Variants in SARNP observed in about 807,000 individuals in gnomAD.
SARNP encodes the protein SAP domain containing ribonucleoprotein.
A neutral mutation model predicts 38.1 loss-of-function variants in SARNP; 5 were observed. The ratio of observed to expected loss-of-function variants is 0.13; its 90% CI spans 0.07 to 0.28. The LOEUF (loss-of-function observed/expected upper bound fraction) is 0.28. Among genes scored for constraint, SARNP ranks in the 10% least tolerant of loss-of-function variants. The pLI is 1.00. For synonymous variants in SARNP, 84 were observed against 80.6 expected (o/e 1.04, Z -0.23); for missense variants, 180 against 243.9 (o/e 0.74, Z 1.75).
chr12:55,772,043 T>G (rs1010553793), intron 9 of SARNP, among the ~76,000 whole-genome samples: 1 of 152,188 alleles, frequency 6.6e-6, no homozygotes, highest in Non-Finnish European at 1.5e-5. Flanking sequence ...CTGCCCCAGT[T>G]TCTGAAACTG....
chr12:55,801,710 T>C (rs973537500), intron 2 of SARNP, among the ~76,000 whole-genome samples: 2 of 152,132 alleles, frequency 1.3e-5, no homozygotes, highest in African/African-American at 2.4e-5. Flanking sequence ...CTCCCCCTCC[T>C]GGGCTCAAGG....
At chr12:55,803,899 G>A (rs1038640161) in intron 1 of SARNP, among the ~76,000 whole-genome samples, 171 bp from the exon 2 acceptor site, 7 of 152,110 alleles carry the variant, frequency 4.6e-5, no homozygotes, top group Non-Finnish European at 2.9e-5. Flanking sequence ...TTCCTCTAAC[G>A]ATATTCAATA....
At position 55,807,201 on chromosome 12, in the gene SARNP, G is replaced by A. The variant is rs547624401; in HGVS notation, c.37-3473C>T. ...AAAATCAATTACTACAAAAATGAGC[G>A]TAGTGACTTGGATATAGCAGTGACA... is the stretch of plus-strand genomic sequence containing the variant. On this transcript the variant is annotated intron_variant, in intron 1 of 10. Transcript: ENST00000336133. 2.4e-4 allele frequency among the ~76,000 whole-genome samples: 37 copies of A among 152,236 alleles called. 1 individual carries two copies. Among genetic ancestry groups the A allele is most frequent in the African/African-American group, 8.4e-4 (35 of 41,530 alleles).
chr12:55,780,465 GAAAGA>G (rs1879311243), intron 9 of SARNP, among the ~76,000 whole-genome samples: 4 of 149,836 alleles, frequency 2.7e-5, no homozygotes, highest in Admixed American at 1.3e-4. Context: ...AAATGAAAAA[GAAAGA>G]AAAGAGAAGA....
intron 9 of SARNP, among the ~76,000 whole-genome samples, chr12:55,776,809 T>C (rs1033935189): frequency 3.9e-5 from 6 of 152,154 alleles, no homozygotes; most frequent in Non-Finnish European, 5.9e-5. Context: ...GAGTGGTACT[T>C]TCAAAAGAAA....
intron 9 of SARNP, among the ~76,000 whole-genome samples, chr12:55,781,985 TGA>T (rs1879353345): frequency 6.6e-6 from 1 of 152,172 alleles, no homozygotes; most frequent in African/African-American, 2.4e-5. Context: ...ATTACAGGTG[TGA>T]ACCTCTGTGC....
At position 55,780,511 on chromosome 12, in the gene SARNP, G is replaced by T. The variant is rs544439325; in HGVS notation, c.501+8564C>A. On this transcript the variant is annotated intron_variant, in intron 9 of 10. Transcript: ENST00000336133. ...GAAGAGAAAAGAAAAGAAAAGAAAA[G>T]AAAGAAAGATTAGCTGGGCATAGTG... Among the ~76,000 whole-genome samples the T allele has an allele frequency of 3.4e-4, 52 of 151,130 alleles. 1 individual carries two copies. Among genetic ancestry groups the T allele is most frequent in the African/African-American group, 1.2e-3 (49 of 41,222 alleles).
intron 4 of SARNP, 79 bp from the exon 5 acceptor site, chr12:55,796,155 T>G: frequency 1.0e-6 from 1 of 998,672 alleles, no homozygotes; most frequent in South Asian, 1.3e-5. Context: ...AGAATTCACC[T>G]GAGTCACCAT....
Position 55,798,190 on chromosome 12 carries a change from T to G in SARNP, c.252-2114A>C, listed in dbSNP as rs538732860. On this transcript the variant is annotated intron_variant, in intron 4 of 10. Transcript: ENST00000336133. ...AATGGCTTTAGAAAGTAGTATTTGA[T>G]AGGCTGGAAAGTAGTATTTGATAGG... Among the ~76,000 whole-genome samples the G allele has an allele frequency of 2.0e-5, 3 of 152,278 alleles. No homozygotes were observed. In the East Asian group the frequency reaches 5.8e-4, roughly 29 times the overall value.
chr12:55,794,727 A>G (rs758390564), intron 6 of SARNP, 80 bp downstream of exon 6: 53 of 872,664 alleles, frequency 6.1e-5, no homozygotes, highest in Non-Finnish European at 8.8e-5. Flanking sequence ...AAAATCAACA[A>G]TTATACCTAA....
chr12:55,778,220 T>C (rs569900801), intron 9 of SARNP, among the ~76,000 whole-genome samples: 2 of 152,106 alleles, frequency 1.3e-5, no homozygotes, highest in African/African-American at 4.8e-5. Flanking sequence ...GATCTCAGCT[T>C]ACTGAGACCT....
At chr12:55,805,727 T>C (rs963873036) in intron 1 of SARNP, among the ~76,000 whole-genome samples, 1 of 152,104 alleles carries the variant, frequency 6.6e-6, no homozygotes, top group African/African-American at 2.4e-5. Flanking sequence ...GGTGCTTATA[T>C]TCACCCAGCT....
intron 1 of SARNP, among the ~76,000 whole-genome samples, chr12:55,808,805 A>G (rs1436540768): frequency 1.3e-5 from 2 of 151,600 alleles, no homozygotes; most frequent in Non-Finnish European, 2.9e-5. Flanking sequence ...AACATAAAAC[A>G]GCTGAAAATG....
At chr12:55,766,616 C>CGGGGG (rs58583137) in intron 9 of SARNP, among the ~76,000 whole-genome samples, 11 of 38,102 alleles carry the variant, frequency 2.9e-4, no homozygotes, top group African/African-American at 5.5e-4. Context: ...GTTTTTTTGG[C>CGGGGG]GGGGGGGGGG....
At chr12:55,776,001 A>T (rs140837966) in intron 9 of SARNP, among the ~76,000 whole-genome samples, 1 of 152,084 alleles carries the variant, frequency 6.6e-6, no homozygotes, top group Non-Finnish European at 1.5e-5. Context: ...TATACCAAAA[A>T]ATTCCTTCCC....
intron 9 of SARNP, among the ~76,000 whole-genome samples, chr12:55,782,984 G>A (rs746393680): frequency 3.3e-5 from 5 of 152,006 alleles, no homozygotes; most frequent in Non-Finnish European, 5.9e-5. Flanking sequence ...GGTGGCGCAC[G>A]CCTGTAGTCC....
At chr12:55,789,016 T>C (rs1879586759) in intron 9 of SARNP, 59 bp downstream of exon 9, 3 of 1,103,162 alleles carry the variant, frequency 2.7e-6, no homozygotes, top group South Asian at 1.3e-5. Flanking sequence ...CCAGCCTATG[T>C]AGTTCCCATA....
chr12:55,795,574 T>A (rs1879796737), intron 5 of SARNP, among the ~76,000 whole-genome samples: 1 of 152,184 alleles, frequency 6.6e-6, no homozygotes, highest in Non-Finnish European at 1.5e-5. Flanking sequence ...TTTTATGCCA[T>A]TCTAAAAGAG....
chr12:55,798,002 C>T, intron 4 of SARNP, among the ~76,000 whole-genome samples: 1 of 152,148 alleles, frequency 6.6e-6, no homozygotes, highest in South Asian at 2.1e-4. Flanking sequence ...ACTTTCGAAC[C>T]TCTATTTTTT....
Sources: allele counts gnomAD v4.1 joint callset (sites outside exome capture counted in the v4.1 genomes callset), GRCh38; gene constraint gnomAD v4.1.1; transcripts MANE v1.5; gene names NCBI Gene and HGNC (gene_info 2026-07-23, HGNC 2026-07-21).